The following SH3RF2 variants were observed in gnomAD, a reference collection of about 807,000 sequenced individuals.
SH3RF2 encodes E3 ubiquitin-protein ligase SH3RF2.
A neutral mutation model predicts 59.0 loss-of-function variants in SH3RF2; 43 were observed. That is an observed-to-expected ratio of 0.73 (90% CI 0.57 to 0.94). The LOEUF (loss-of-function observed/expected upper bound fraction) is 0.94, where lower values mean the gene tolerates loss of function less well. Ranked by LOEUF, SH3RF2 falls within the 40% of genes least tolerant of loss-of-function variation. The pLI is 0.00. For missense variants in SH3RF2, 930 were observed against 940.1 expected (o/e 0.99, Z 0.14); for synonymous variants, 391 against 391.5 (o/e 1.00, Z 0.01).
chr5:145,998,108 G>A, intron 2 of SH3RF2: 1 of 529,372 alleles, frequency 1.9e-6, no homozygotes, highest in African/African-American at 1.9e-5. Context: ...CTGATACATA[G>A]AGTATTATTT....
At chr5:146,055,823 C>A in intron 7 of SH3RF2, 158 bp from the exon 8 acceptor site, 1 of 798,638 alleles carries the variant, frequency 1.3e-6, no homozygotes, top group Non-Finnish European at 2.0e-6. Flanking sequence ...TTTAGTTAAG[C>A]CTGTAGTTCA....
intron 5 of SH3RF2, among the ~76,000 whole-genome samples, chr5:146,020,055 G>C (rs1165473425): frequency 6.6e-6 from 1 of 152,060 alleles, no homozygotes; most frequent in Non-Finnish European, 1.5e-5. Context: ...AACAGAGATG[G>C]TTTGACTTCT....
intron 4 of SH3RF2, among the ~76,000 whole-genome samples, chr5:146,005,174 A>G (rs1760593005): frequency 6.6e-6 from 1 of 151,938 alleles, no homozygotes; most frequent in Admixed American, 6.5e-5. Context: ...TTTAAAAAAA[A>G]AAGAAAGAAA....
intron 2 of SH3RF2, among the ~76,000 whole-genome samples, chr5:145,967,541 A>G (rs1007222654): frequency 6.6e-6 from 1 of 152,242 alleles, no homozygotes; most frequent in Non-Finnish European, 1.5e-5. Flanking sequence ...ATGTGAACCC[A>G]GGTCTGCCTA....
intron 2 of SH3RF2, among the ~76,000 whole-genome samples, chr5:145,974,170 G>A (rs1759197879): frequency 6.6e-6 from 1 of 152,218 alleles, no homozygotes; most frequent in South Asian, 2.1e-4. Flanking sequence ...GCTTCCTTCA[G>A]CTCCTAGAGA....
At position 146,048,992 on chromosome 5, in the gene SH3RF2, T is replaced by TCC. The variant is rs1161593689; in HGVS notation, c.1152-82_1152-81insCC. 14 of 1,513,040 alleles carry TCC rather than the reference T, an allele frequency of 9.3e-6. No individual in the cohort carries two copies. In the East Asian group the frequency reaches 2.5e-4, roughly 27 times the overall value. The allele number at this position is 1,513,040 out of a possible 1,614,324, so 93.7% of individuals were successfully genotyped here. ...GTTCTTATTGCTAACCACTGGGCAG[T>TCC]CTCTCTCCACCATTCCCCCACTCCA... is the stretch of plus-strand genomic sequence containing the variant. On this transcript the variant is annotated intron_variant, in intron 6 of 9. Transcript: ENST00000359120.
chr5:146,046,673 A>G (rs1580914092), intron 5 of SH3RF2, among the ~76,000 whole-genome samples: 1 of 152,240 alleles, frequency 6.6e-6, no homozygotes, highest in African/African-American at 2.4e-5. Flanking sequence ...CAGTCTAGCA[A>G]GGAAACACTC....
chr5:146,060,321 A>G, intron 9 of SH3RF2, 97 bp downstream of exon 9: 1 of 1,187,594 alleles, frequency 8.4e-7, no homozygotes, highest in Non-Finnish European at 1.2e-6. Context: ...ACAAGGAACC[A>G]AAATTGCAGC....
At chr5:146,060,863 G>A (rs72820421) in intron 9 of SH3RF2, among the ~76,000 whole-genome samples, 2 of 152,200 alleles carry the variant, frequency 1.3e-5, no homozygotes, top group Admixed American at 6.5e-5. Flanking sequence ...ACTAGAAGAC[G>A]TGAGAGTTTT....
rs7725408 is a variant in SH3RF2, at chr5:146,057,849, A to G, written c.1555+1636A>G. Among the ~76,000 whole-genome samples, 880 of 151,428 alleles carry G rather than the reference A, an allele frequency of 5.8e-3. 9 individuals carry two copies. Among genetic ancestry groups the G allele is most frequent in the African/African-American group, 0.02 (841 of 41,274 alleles). ...TCTCAGCTACTTTTGGGGCTGAGGCAGGAGGATGGCTTGAGCCGGGAAGGT... is the reference window on the plus strand; with the variant it reads ...TCTCAGCTACTTTTGGGGCTGAGGCGGGAGGATGGCTTGAGCCGGGAAGGT... On this transcript the variant is annotated intron_variant, in intron 8 of 9. Transcript: ENST00000359120.
chr5:146,044,911 T>G (rs1179133860), intron 5 of SH3RF2, among the ~76,000 whole-genome samples: 1 of 152,142 alleles, frequency 6.6e-6, no homozygotes, highest in African/African-American at 2.4e-5. Context: ...CTGTTCCAAG[T>G]GGGGGAAACA....
chr5:146,006,347 G>C (rs1760643742), intron 4 of SH3RF2, among the ~76,000 whole-genome samples: 1 of 152,172 alleles, frequency 6.6e-6, no homozygotes, highest in Admixed American at 6.5e-5. Flanking sequence ...TTTGAGCCTA[G>C]GAGGTCGTGG....
intron 2 of SH3RF2, among the ~76,000 whole-genome samples, chr5:145,949,419 T>G (rs1398569184): frequency 6.6e-6 from 1 of 152,196 alleles, no homozygotes; most frequent in Non-Finnish European, 1.5e-5. Context: ...AGGAAAGGTG[T>G]TCGTCTGTGA....
At chr5:146,024,875 A>G (rs542000294) in intron 5 of SH3RF2, among the ~76,000 whole-genome samples, 8 of 152,344 alleles carry the variant, frequency 5.3e-5, no homozygotes, top group Non-Finnish European at 1.0e-4. Flanking sequence ...GCAACACATC[A>G]GGAAGCACAT....
intron 1 of SH3RF2, 160 bp downstream of exon 1, chr5:145,936,854 G>T (rs865843423): frequency 1.3e-5 from 2 of 152,250 alleles, no homozygotes; most frequent in Non-Finnish European, 2.9e-5. Flanking sequence ...CTCTGGGCTC[G>T]GTGCTTACCG....
At chr5:146,069,871 G>A (rs528340261) in intron 9 of SH3RF2, among the ~76,000 whole-genome samples, 2 of 151,712 alleles carry the variant, frequency 1.3e-5, no homozygotes. Flanking sequence ...ACCATGCCTG[G>A]CCTGAAAAAT....
chr5:145,983,779 G>C (rs1759597694), intron 2 of SH3RF2, among the ~76,000 whole-genome samples: 1 of 152,162 alleles, frequency 6.6e-6, no homozygotes, highest in Non-Finnish European at 1.5e-5. Context: ...ATGTTGGAAA[G>C]AAAAAGTCTT....
chr5:146,031,107 C>A (rs1374907209), intron 5 of SH3RF2, among the ~76,000 whole-genome samples: 1 of 152,150 alleles, frequency 6.6e-6, no homozygotes, highest in Non-Finnish European at 1.5e-5. Context: ...TCACTTTGGG[C>A]CCTGTAGGGA....
intron 8 of SH3RF2, among the ~76,000 whole-genome samples, chr5:146,059,286 C>T (rs942776565): frequency 2.0e-5 from 3 of 152,082 alleles, no homozygotes; most frequent in African/African-American, 7.3e-5. Context: ...TTGCCACTCA[C>T]CCTTTCTCCC....
Sources: gnomAD v4.1 joint callset for allele counts (sites outside exome capture counted in the v4.1 genomes callset) on GRCh38, gnomAD v4.1.1 for gene constraint, MANE v1.5 for transcripts, NCBI Gene and HGNC (gene_info 2026-07-23, HGNC 2026-07-21) for gene names.